The following VAV2 variants were observed in gnomAD, a reference collection of about 807,000 sequenced individuals.
VAV2 encodes the protein vav guanine nucleotide exchange factor 2, also known as guanine nucleotide exchange factor VAV2.
Under a neutral mutation model 132.5 loss-of-function variants are expected in VAV2, and 67 were observed. The observed-to-expected ratio is 0.51, with a 90% CI of 0.42 to 0.62. The LOEUF (loss-of-function observed/expected upper bound fraction) is 0.62, where lower values mean the gene tolerates loss of function less well. Among genes scored for constraint, VAV2 ranks in the 20% least tolerant of loss-of-function variants. The probability of loss-of-function intolerance (pLI) is 0.00; values close to 1 mark genes in which losing one functional copy is unlikely to be tolerated. For missense variants in VAV2, 938 were observed against 1,153.6 expected (o/e 0.81, Z 2.71); for synonymous variants, 492 against 443.5 (o/e 1.11, Z -1.37).
chr9:133,893,573 C>T (rs557202659), intron 2 of VAV2, among the ~76,000 whole-genome samples: 8 of 152,332 alleles, frequency 5.3e-5, no homozygotes, highest in South Asian at 2.1e-4. Context: ...ACACCCACTC[C>T]GGCCAGCTCC....
At chr9:133,819,642 T>C (rs1488389018) in intron 4 of VAV2, among the ~76,000 whole-genome samples, 2 of 152,142 alleles carry the variant, frequency 1.3e-5, no homozygotes, top group African/African-American at 4.8e-5. Context: ...GCCACACCCT[T>C]AGGCTCCCTT....
chr9:133,837,795 G>A lies in VAV2; in HGVS notation c.381-3455C>T, dbSNP rs548449053. ...TTCCCTTTCCTGCATCTCATTTGGT[G>A]TCTTGTTCAACCCCTACTGTCATTT... On this transcript the variant is annotated intron_variant, in intron 3 of 29. Coordinates refer to ENST00000371850, the MANE Select transcript of VAV2 (RefSeq NM_001134398.2). Among the ~76,000 whole-genome samples, 3 of 151,528 alleles carry A rather than the reference G, an allele frequency of 2.0e-5. No homozygotes were observed. In the South Asian group the frequency reaches 6.3e-4, roughly 32 times the overall value.
intron 2 of VAV2, among the ~76,000 whole-genome samples, chr9:133,894,170 T>C (rs1839100241): frequency 6.6e-6 from 1 of 152,196 alleles, no homozygotes; most frequent in Admixed American, 6.5e-5. Context: ...GCCACCACCA[T>C]GTCCGCTCTA....
intron 7 of VAV2, 64 bp from the exon 8 acceptor site, chr9:133,807,390 T>C: frequency 6.6e-7 from 1 of 1,510,830 alleles, no homozygotes. Context: ...AGGTCACAGC[T>C]GCCAGGGGAG....
chr9:133,959,159 C>T (rs538161106), intron 1 of VAV2, among the ~76,000 whole-genome samples: 1 of 152,206 alleles, frequency 6.6e-6, no homozygotes, highest in Non-Finnish European at 1.5e-5. Flanking sequence ...TCCATAGGCA[C>T]TAGAGATGGT....
chr9:133,953,907 G>A (rs1841652909), intron 1 of VAV2, among the ~76,000 whole-genome samples: 1 of 152,154 alleles, frequency 6.6e-6, no homozygotes, highest in Non-Finnish European at 1.5e-5. Flanking sequence ...TCCCTCTGCA[G>A]AAAAACCCAC....
chr9:133,987,390 G>A (rs904981538), intron 1 of VAV2, among the ~76,000 whole-genome samples: 1 of 152,262 alleles, frequency 6.6e-6, no homozygotes, highest in African/African-American at 2.4e-5. Context: ...CCAAGGGGAG[G>A]GAGCCCCTAT....
At chr9:133,906,290 C>A (rs915387708) in intron 2 of VAV2, among the ~76,000 whole-genome samples, 1 of 152,192 alleles carries the variant, frequency 6.6e-6, no homozygotes, top group Non-Finnish European at 1.5e-5. Context: ...CTGTTTTCCA[C>A]GAGGGGACCT....
chr9:133,892,328 A>G (rs1839011532), intron 2 of VAV2, among the ~76,000 whole-genome samples: 1 of 151,674 alleles, frequency 6.6e-6, no homozygotes, highest in Non-Finnish European at 1.5e-5. Context: ...GCAGGGCTGC[A>G]GGGCTTTGTG....
chr9:133,985,226 TTGTGTGTGTGTGTGTGTGTG>T (rs59748267), intron 1 of VAV2, among the ~76,000 whole-genome samples: 43 of 137,154 alleles, frequency 3.1e-4, no homozygotes, highest in African/African-American at 5.5e-4. Flanking sequence ...TCTTGCCTTA[TTGTGTGTGTGTGTGTGTGTG>T]TGTGTGTGTG....
chr9:133,839,982 C>T (rs1281726126), intron 3 of VAV2, among the ~76,000 whole-genome samples: 9 of 152,170 alleles, frequency 5.9e-5, no homozygotes, highest in Non-Finnish European at 1.3e-4. Context: ...TAGCTCCACC[C>T]CCCACTCCCC....
At chr9:133,872,525 T>A (rs977674979) in intron 2 of VAV2, among the ~76,000 whole-genome samples, 1 of 143,278 alleles carries the variant, frequency 7.0e-6, no homozygotes, top group African/African-American at 2.8e-5. Flanking sequence ...AGGGTCGGGG[T>A]CCTAGGCCCA....
chr9:133,942,432 C>T (rs1413642802), intron 1 of VAV2, among the ~76,000 whole-genome samples: 2 of 152,248 alleles, frequency 1.3e-5, no homozygotes, highest in South Asian at 2.1e-4. Context: ...AAAGCCACCA[C>T]GGTCGATGGT....
chr9:133,769,276 C>A lies in VAV2; in HGVS notation c.2434+141G>T. 1.1e-6 allele frequency: 1 copy of A among 924,198 alleles called. No homozygotes were observed. 57.2% of individuals were successfully genotyped at this position (924,198 alleles called of 1,614,324 possible). On this transcript the variant is annotated intron_variant, in intron 28 of 29. Transcript: ENST00000371850. This position sits in a 1 kb window ranked among gnomAD's most constrained non-coding sequence, Gnocchi z 8.1. ...TCTGCCCGGCCTCCCCAGCCCCTTT[C>A]TCCCCTCCACCCAGTGCCAGACTGC...
At chr9:133,808,897 G>T in intron 7 of VAV2, 143 bp downstream of exon 7, 1 of 728,954 alleles carries the variant, frequency 1.4e-6, no homozygotes, top group Non-Finnish European at 2.2e-6. Context: ...CCTGGAGGCA[G>T]AGCTGGGAGG....
At chr9:133,843,116 G>A (rs1427238375) in intron 3 of VAV2, among the ~76,000 whole-genome samples, 2 of 152,208 alleles carry the variant, frequency 1.3e-5, no homozygotes, top group Non-Finnish European at 1.5e-5. Flanking sequence ...ACAATGGGAG[G>A]AGGCCAGGTC....
Position 133,903,177 on chromosome 9 carries a change from G to C in VAV2, c.321+35926C>G, listed in dbSNP as rs1056094463. Among the ~76,000 whole-genome samples the C allele has an allele frequency of 4.9e-4, 74 of 151,850 alleles. 1 individual carries two copies. The highest frequency in any genetic ancestry group is 4.5e-3 in the Admixed American group (68 of 15,262). ...GAGAAGACGCCGTCTGCAAGCCCAG[G>C]AGAGTGCCCCGGGACACAGTCTCCC... On this transcript the variant is annotated intron_variant, in intron 2 of 29. Coordinates refer to ENST00000371850, the MANE Select transcript of VAV2 (RefSeq NM_001134398.2).
rs1455376528 is a variant in VAV2, at chr9:133,919,710, A to C, written c.321+19393T>G. ...AATGTAAGCCGGAAACAGCGCAGAG[A>C]GTGGGGCCAGATGGACGTGGCCAGT... is the stretch of plus-strand genomic sequence containing the variant. On this transcript the variant is annotated intron_variant, in intron 2 of 29. Transcript: ENST00000371850. The surrounding 1 kb of genome is among the most constrained non-coding windows in gnomAD (Gnocchi z 5.8). Among the ~76,000 whole-genome samples the C allele has an allele frequency of 2.6e-5, 4 of 152,182 alleles. No homozygotes were observed. The highest frequency in any genetic ancestry group is 9.7e-5 in the African/African-American group (4 of 41,436).
chr9:133,960,853 T>C (rs1279245068), intron 1 of VAV2, among the ~76,000 whole-genome samples: 2 of 152,228 alleles, frequency 1.3e-5, no homozygotes, highest in Non-Finnish European at 2.9e-5. Context: ...TACTCCACAC[T>C]GGCTGGTGCC....
Sources: gnomAD v4.1 joint callset for allele counts (sites outside exome capture counted in the v4.1 genomes callset) on GRCh38, gnomAD v4.1.1 for gene constraint, Gnocchi (gnomAD v3.1) non-coding constraint, MANE v1.5 for transcripts, NCBI Gene and HGNC (gene_info 2026-07-23, HGNC 2026-07-21) for gene names.